The following AGBL4 variants were observed in gnomAD, a reference collection of about 807,000 sequenced individuals.
AGBL4 encodes the protein cytosolic carboxypeptidase 6.
In AGBL4, 58 loss-of-function variants were observed where a neutral mutation model predicts 66.4. The ratio of observed to expected loss-of-function variants is 0.87; its 90% CI spans 0.71 to 1.09. The LOEUF is 1.09. Ranked by LOEUF, AGBL4 falls within the 50% of genes least tolerant of loss-of-function variation. The probability of loss-of-function intolerance (pLI) is 0.00; values close to 1 mark genes in which losing one functional copy is unlikely to be tolerated. For synonymous variants in AGBL4, 234 were observed against 222.9 expected (o/e 1.05, Z -0.44); for missense variants, 579 against 631.0 (o/e 0.92, Z 0.88).
chr1:48,847,033 G>A (rs562426855), intron 6 of AGBL4, among the ~76,000 whole-genome samples: 2 of 152,184 alleles, frequency 1.3e-5, no homozygotes, highest in South Asian at 4.1e-4. Flanking sequence ...GGGCCTGGTG[G>A]CTCATGCCTG....
chr1:49,196,102 C>T (rs1294842610), intron 4 of AGBL4, among the ~76,000 whole-genome samples: 1 of 152,080 alleles, frequency 6.6e-6, no homozygotes, highest in Non-Finnish European at 1.5e-5. Flanking sequence ...TCAATTAAAC[C>T]TTTTTCCTAT....
intron 1 of AGBL4, among the ~76,000 whole-genome samples, chr1:49,932,002 G>C (rs1291044752): frequency 6.6e-6 from 1 of 152,120 alleles, no homozygotes; most frequent in East Asian, 1.9e-4. Context: ...GTTTAGAGGA[G>C]CATCTCAGAT....
At chr1:49,641,737 T>A (rs889694436) in intron 3 of AGBL4, among the ~76,000 whole-genome samples, 2 of 152,112 alleles carry the variant, frequency 1.3e-5, no homozygotes, top group Non-Finnish European at 2.9e-5. Flanking sequence ...TTTTCAGTGA[T>A]ATCAACTATT....
chr1:49,402,569 CTTT>C (rs111878788), intron 3 of AGBL4, among the ~76,000 whole-genome samples: 4 of 137,792 alleles, frequency 2.9e-5, no homozygotes, highest in Admixed American at 7.3e-5. Flanking sequence ...TTTTGAATGC[CTTT>C]TTTTTTTTTT....
chr1:49,534,588 T>C (rs570618326), intron 3 of AGBL4, among the ~76,000 whole-genome samples: 2 of 152,294 alleles, frequency 1.3e-5, no homozygotes, highest in Admixed American at 1.3e-4. Flanking sequence ...CTTAATAGTA[T>C]ACATAGTAGC....
At chr1:48,834,367 G>T (rs939893731) in intron 6 of AGBL4, among the ~76,000 whole-genome samples, 24 of 152,098 alleles carry the variant, frequency 1.6e-4, no homozygotes. Context: ...ATGAGAGAAC[G>T]ATGTGAATAT....
chr1:49,717,931 TGCTATCATGAA>T (rs1326942714), intron 2 of AGBL4, among the ~76,000 whole-genome samples: 1 of 152,098 alleles, frequency 6.6e-6, no homozygotes, highest in East Asian at 1.9e-4. Context: ...TATCAGTCCT[TGCTATCATGAA>T]GCTAACGATC....
intron 8 of AGBL4, among the ~76,000 whole-genome samples, chr1:48,640,352 C>G (rs573526041): frequency 3.1e-4 from 47 of 152,268 alleles, no homozygotes; most frequent in African/African-American, 1.1e-3. Flanking sequence ...CACCCCCACT[C>G]CAACATTGTC....
At chr1:48,625,704 A>G (rs1488770743) in intron 9 of AGBL4, among the ~76,000 whole-genome samples, 1 of 152,166 alleles carries the variant, frequency 6.6e-6, no homozygotes, top group African/African-American at 2.4e-5. Context: ...AAACTCTACA[A>G]TTGAAGTAAT....
chr1:49,006,067 G>A (rs563494408), intron 5 of AGBL4, among the ~76,000 whole-genome samples: 3 of 152,086 alleles, frequency 2.0e-5, no homozygotes, highest in South Asian at 2.1e-4. Flanking sequence ...AGCTCCCAGC[G>A]TGAGCGACGC....
chr1:49,668,801 A>AC, intron 3 of AGBL4, among the ~76,000 whole-genome samples: 1 of 152,276 alleles, frequency 6.6e-6, no homozygotes, highest in East Asian at 1.9e-4. Flanking sequence ...ATCAACTAAG[A>AC]CATACATTGT....
chr1:48,607,372 C>T (rs1289164229), intron 9 of AGBL4, among the ~76,000 whole-genome samples: 1 of 152,074 alleles, frequency 6.6e-6, no homozygotes, highest in Non-Finnish European at 1.5e-5. Context: ...AATCCCAGCA[C>T]TTTGGGAGGC....
At chr1:49,208,493 G>A (rs1648414373) in intron 4 of AGBL4, among the ~76,000 whole-genome samples, 1 of 152,002 alleles carries the variant, frequency 6.6e-6, no homozygotes. Context: ...AAAGCTAGAA[G>A]TTCAAGGAAT....
intron 3 of AGBL4, among the ~76,000 whole-genome samples, chr1:49,384,311 C>T (rs531116453): frequency 2.4e-4 from 36 of 151,678 alleles, no homozygotes; most frequent in Admixed American, 8.5e-4. Context: ...TAAAAATGGG[C>T]GGCTGGGCTC....
At chr1:49,692,762 G>A (rs2124600426) in intron 3 of AGBL4, among the ~76,000 whole-genome samples, 1 of 151,824 alleles carries the variant, frequency 6.6e-6, no homozygotes, top group Non-Finnish European at 1.5e-5. Context: ...AATCTTAAAG[G>A]GAAATTTAAA....
intron 3 of AGBL4, among the ~76,000 whole-genome samples, chr1:49,596,401 C>A (rs1644854609): frequency 6.6e-6 from 1 of 152,104 alleles, no homozygotes. Flanking sequence ...AAACTCCTGG[C>A]CTCAAGTGAT....
At chr1:49,881,325 T>G (rs1033720749) in intron 1 of AGBL4, among the ~76,000 whole-genome samples, 21 of 152,180 alleles carry the variant, frequency 1.4e-4, no homozygotes, top group Non-Finnish European at 2.6e-4. Flanking sequence ...TCTTTGCTAT[T>G]GTGAATAGTG....
At chr1:48,941,247 A>T (rs1655948020) in intron 5 of AGBL4, among the ~76,000 whole-genome samples, 1 of 152,192 alleles carries the variant, frequency 6.6e-6, no homozygotes, top group Non-Finnish European at 1.5e-5. Flanking sequence ...ATGGATCACT[A>T]AATTCTGTAA....
At chr1:49,077,663 T>C (rs770030304) in intron 4 of AGBL4, among the ~76,000 whole-genome samples, 14 of 152,248 alleles carry the variant, frequency 9.2e-5, no homozygotes, top group Middle Eastern at 3.4e-3. Context: ...TTTTTCCAAG[T>C]CAAGTTATTT....
Sources: gnomAD v4.1 joint callset for allele counts (sites outside exome capture counted in the v4.1 genomes callset) on GRCh38, gnomAD v4.1.1 for gene constraint, MANE v1.5 for transcripts, NCBI Gene and HGNC (gene_info 2026-07-23, HGNC 2026-07-21) for gene names.